The following SHB variants were observed in gnomAD, a reference collection of about 807,000 sequenced individuals.
The protein encoded by SHB is SH2 domain-containing adapter protein B.
A neutral mutation model predicts 52.3 loss-of-function variants in SHB; 20 were observed. That is an observed-to-expected ratio of 0.38 (90% CI 0.27 to 0.56). SHB has a LOEUF of 0.56. SHB is among the 20% of genes least tolerant of loss of function. The pLI, the probability that SHB is intolerant of heterozygous loss-of-function variation, is 0.71. For synonymous variants in SHB, 397 were observed against 316.5 expected (o/e 1.25, Z -2.70); for missense variants, 825 against 723.3 (o/e 1.14, Z -1.61).
intron 5 of SHB, among the ~76,000 whole-genome samples, chr9:37,945,014 C>T (rs1832476111): frequency 6.6e-6 from 1 of 152,182 alleles, no homozygotes; most frequent in African/African-American, 2.4e-5. Flanking sequence ...TCTCTGATGC[C>T]CAGCCCAGTG....
At chr9:38,014,443 G>A (rs564830898) in intron 2 of SHB, among the ~76,000 whole-genome samples, 3 of 152,354 alleles carry the variant, frequency 2.0e-5, no homozygotes, top group Admixed American at 6.5e-5. Flanking sequence ...TGTGGTTGTC[G>A]CAGGGCCCAG....
chr9:37,955,515 TTGCCCAGGCTCGAC>T (rs1244880902), intron 4 of SHB, among the ~76,000 whole-genome samples: 1 of 152,170 alleles, frequency 6.6e-6, no homozygotes, highest in Non-Finnish European at 1.5e-5. Flanking sequence ...TCTCGCTCTG[TTGCCCAGGCTCGAC>T]TGCAGTAGTG....
At chr9:38,061,655 G>C (rs1821894426) in intron 1 of SHB, among the ~76,000 whole-genome samples, 1 of 152,210 alleles carries the variant, frequency 6.6e-6, no homozygotes, top group African/African-American at 2.4e-5. Flanking sequence ...AGAGAGGATA[G>C]GGTCAAGTCA....
Position 37,956,025 on chromosome 9 carries a change from A to T in SHB, c.1084T>A (p.Ser362Thr). ...AQFNGNEKRQ[S>T]SPSPSRDRRR... ...CGGTCCCGCGAAGGTGAGGGGGATG[A>T]CTGCCGCTTCTCGTTGCCATTAAAC... is the stretch of plus-strand genomic sequence containing the variant. Residue 362 changes from serine (S) to threonine (T), a missense_variant, in exon 4 of 6, where the codon TCA (serine) becomes ACA (threonine). By Grantham distance (58) the Ser-to-Thr change is moderately conservative. Transcript: ENST00000377707. The T allele has an allele frequency of 6.3e-7, 1 of 1,576,584 alleles. No individual in the cohort carries two copies. The highest frequency in any genetic ancestry group is 1.2e-5 in the South Asian group (1 of 86,054).
chr9:37,948,522 T>G (rs1832520495), intron 5 of SHB, 113 bp downstream of exon 5: 1 of 1,300,420 alleles, frequency 7.7e-7, no homozygotes, highest in African/African-American at 1.5e-5. Flanking sequence ...AAATAACGTG[T>G]GCTGGCAAGT....
At chr9:38,005,622 C>T (rs1317584319) in intron 2 of SHB, among the ~76,000 whole-genome samples, 3 of 152,304 alleles carry the variant, frequency 2.0e-5, no homozygotes, top group Admixed American at 6.5e-5. Flanking sequence ...TGCTTCCTCT[C>T]GGAGCCTTAG....
At chr9:37,963,591 A>C (rs1832717309) in intron 3 of SHB, among the ~76,000 whole-genome samples, 1 of 152,176 alleles carries the variant, frequency 6.6e-6, no homozygotes, top group Non-Finnish European at 1.5e-5. Flanking sequence ...GCACAGCACC[A>C]ACAGCTAGGC....
chr9:37,997,110 T>C (rs1320388896), intron 2 of SHB, among the ~76,000 whole-genome samples: 1 of 152,166 alleles, frequency 6.6e-6, no homozygotes, highest in African/African-American at 2.4e-5. Flanking sequence ...CCAAGCCCCT[T>C]AGGGGGCTCA....
intron 5 of SHB, among the ~76,000 whole-genome samples, chr9:37,933,396 G>A (rs1475547110): frequency 6.6e-6 from 1 of 152,234 alleles, no homozygotes; most frequent in African/African-American, 2.4e-5. Context: ...TGGCACATAG[G>A]AGATGCTCAT....
At chr9:37,948,503 C>A (rs916563432) in intron 5 of SHB, 132 bp downstream of exon 5, 3 of 1,077,352 alleles carry the variant, frequency 2.8e-6, no homozygotes, top group African/African-American at 1.6e-5. Context: ...ATTGAAAAAC[C>A]CAGGCCTAAA....
chr9:38,020,786 C>A (rs1297862029), intron 1 of SHB, among the ~76,000 whole-genome samples: 1 of 152,178 alleles, frequency 6.6e-6, no homozygotes, highest in Non-Finnish European at 1.5e-5. Context: ...TAAAAAAAGA[C>A]TTCTGCCCTG....
intron 5 of SHB, among the ~76,000 whole-genome samples, chr9:37,937,085 C>T (rs1832380574): frequency 6.6e-6 from 1 of 152,212 alleles, no homozygotes; most frequent in African/African-American, 2.4e-5. Flanking sequence ...TTCTCCCTCG[C>T]TTTGTCTTCT....
At chr9:37,955,486 A>AT (rs1040529072) in intron 4 of SHB, among the ~76,000 whole-genome samples, 85 of 150,802 alleles carry the variant, frequency 5.6e-4, no homozygotes, top group African/African-American at 1.7e-3. Flanking sequence ...GTATTTATTT[A>AT]TTTTTTTTTG....
chr9:38,035,083 G>T (rs1448902132), intron 1 of SHB, among the ~76,000 whole-genome samples: 1 of 152,056 alleles, frequency 6.6e-6, no homozygotes, highest in Non-Finnish European at 1.5e-5. Flanking sequence ...TAATTGAAGG[G>T]ACCGAGGGGT....
At chr9:38,010,611 G>A (rs1396825930) in intron 2 of SHB, among the ~76,000 whole-genome samples, 1 of 152,132 alleles carries the variant, frequency 6.6e-6, no homozygotes, top group South Asian at 2.1e-4. Context: ...CACTCTACTT[G>A]GATCACCCAA....
intron 3 of SHB, 85 bp from the exon 4 acceptor site, chr9:37,956,139 G>T: frequency 7.8e-7 from 1 of 1,281,422 alleles, no homozygotes; most frequent in Non-Finnish European, 1.1e-6. Flanking sequence ...CGTTCAGCTG[G>T]TCTAGTTGGC....
At chr9:38,017,683 C>T (rs911878903) in intron 1 of SHB, among the ~76,000 whole-genome samples, 2 of 152,260 alleles carry the variant, frequency 1.3e-5, no homozygotes, top group Admixed American at 6.5e-5. Context: ...GCTACTCCAC[C>T]ACTTTCTCCG....
At chr9:38,031,872 T>C (rs148182896) in intron 1 of SHB, among the ~76,000 whole-genome samples, 9 of 152,330 alleles carry the variant, frequency 5.9e-5, no homozygotes, top group East Asian at 1.9e-4. Context: ...GACTTACCCA[T>C]TTCAAAAGAG....
chr9:38,038,515 G>A (rs1241814795), intron 1 of SHB, among the ~76,000 whole-genome samples: 1 of 152,092 alleles, frequency 6.6e-6, no homozygotes, highest in Non-Finnish European at 1.5e-5. Context: ...TCTAATGCAG[G>A]GCCTGGCACA....
Sources: allele counts gnomAD v4.1 joint callset (sites outside exome capture counted in the v4.1 genomes callset), GRCh38; gene constraint gnomAD v4.1.1; transcripts MANE v1.5; gene names NCBI Gene and HGNC (gene_info 2026-07-23, HGNC 2026-07-21).